Variants in GRM8 observed in about 807,000 individuals in gnomAD.
GRM8 encodes glutamate metabotropic receptor 8.
In GRM8, 47 loss-of-function variants were observed where a neutral mutation model predicts 87.2. The ratio of observed to expected loss-of-function variants is 0.54; its 90% CI spans 0.43 to 0.69. The LOEUF (loss-of-function observed/expected upper bound fraction) is 0.69. Ranked by LOEUF, GRM8 falls within the 30% of genes least tolerant of loss-of-function variation. GRM8 has a pLI of 0.00. For missense variants in GRM8, 1,019 were observed against 1,139.2 expected (o/e 0.89, Z 1.52); for synonymous variants, 396 against 404.5 (o/e 0.98, Z 0.25).
At chr7:127,003,464 C>T (rs1387735494) in intron 3 of GRM8, among the ~76,000 whole-genome samples, 1 of 151,700 alleles carries the variant, frequency 6.6e-6, no homozygotes, top group Non-Finnish European at 1.5e-5. Flanking sequence ...TCCCTTCCCA[C>T]CCACATGAAG....
At chr7:126,479,866 A>C (rs1399687097) in intron 9 of GRM8, among the ~76,000 whole-genome samples, 11 of 152,202 alleles carry the variant, frequency 7.2e-5, no homozygotes, top group African/African-American at 2.4e-4. Context: ...TCATATTATA[A>C]TCTCAGCAAT....
chr7:126,606,041 C>G (rs1205071670), intron 8 of GRM8, among the ~76,000 whole-genome samples: 2 of 152,196 alleles, frequency 1.3e-5, no homozygotes, highest in Non-Finnish European at 2.9e-5. Context: ...CAAAAAATAA[C>G]TGCCTAGGTG....
intron 2 of GRM8, among the ~76,000 whole-genome samples, chr7:127,237,299 G>A (rs1798033765): frequency 6.6e-6 from 1 of 152,186 alleles, no homozygotes; most frequent in Non-Finnish European, 1.5e-5. Flanking sequence ...AAATGAGATT[G>A]AACATGAAAT....
chr7:126,827,221 A>G (rs1232088654), intron 6 of GRM8, among the ~76,000 whole-genome samples: 1 of 152,122 alleles, frequency 6.6e-6, no homozygotes, highest in Non-Finnish European at 1.5e-5. Context: ...TTCCATATGA[A>G]CTTTAAAGTA....
chr7:126,828,843 C>T lies in GRM8; in HGVS notation c.1157-58778G>A, dbSNP rs539137222. Among the ~76,000 whole-genome samples, 59 of 152,166 alleles carry T rather than the reference C, an allele frequency of 3.9e-4. No homozygotes were observed. In the South Asian group the frequency reaches 0.012, roughly 31 times the overall value. Reference sequence around the variant, plus strand: ...TGCTTTCTCTTGTGGGCATTTAGTGCTATAAATTTCCCTCTACACACTGCT... The same window carrying T: ...TGCTTTCTCTTGTGGGCATTTAGTGTTATAAATTTCCCTCTACACACTGCT... On this transcript the variant is annotated intron_variant, in intron 6 of 10. Transcript: ENST00000339582.
At chr7:126,813,834 T>C (rs1330297415) in intron 6 of GRM8, among the ~76,000 whole-genome samples, 1 of 152,082 alleles carries the variant, frequency 6.6e-6, no homozygotes, top group Non-Finnish European at 1.5e-5. Context: ...ATACCAACTT[T>C]TATAACAAGT....
intron 3 of GRM8, among the ~76,000 whole-genome samples, chr7:126,915,688 AAAG>A (rs1329840666): frequency 1.3e-5 from 2 of 152,152 alleles, no homozygotes; most frequent in African/African-American, 4.8e-5. Flanking sequence ...AAGAAATATA[AAAG>A]AAGAGAACCA....
chr7:126,936,089 C>G (rs1002355067), intron 3 of GRM8, among the ~76,000 whole-genome samples: 1 of 152,146 alleles, frequency 6.6e-6, no homozygotes, highest in Admixed American at 6.6e-5. Flanking sequence ...CCATCTAAAT[C>G]ATGCTGCTTG....
chr7:127,077,251 C>T (rs576017104), intron 3 of GRM8, among the ~76,000 whole-genome samples: 2 of 152,292 alleles, frequency 1.3e-5, no homozygotes, highest in South Asian at 4.1e-4. Context: ...TGGTGTTCAG[C>T]CAAGCAAATG....
At chr7:126,629,489 G>A (rs757505155) in intron 7 of GRM8, among the ~76,000 whole-genome samples, 1 of 151,956 alleles carries the variant, frequency 6.6e-6, no homozygotes. Flanking sequence ...TTTGAATAAG[G>A]TATAGTCTTT....
At chr7:126,675,628 T>C (rs1344190136) in intron 7 of GRM8, among the ~76,000 whole-genome samples, 1 of 152,122 alleles carries the variant, frequency 6.6e-6, no homozygotes, top group Non-Finnish European at 1.5e-5. Flanking sequence ...TACATAGAAG[T>C]ACTAACAAAA....
chr7:127,090,698 A>C (rs943894857), intron 3 of GRM8, among the ~76,000 whole-genome samples: 4 of 143,558 alleles, frequency 2.8e-5, no homozygotes, highest in African/African-American at 1.1e-4. Flanking sequence ...CTTCCTTCCC[A>C]TGTGCCCTCC....
At chr7:126,602,775 G>C (rs1211593277) in intron 8 of GRM8, among the ~76,000 whole-genome samples, 1 of 151,504 alleles carries the variant, frequency 6.6e-6, no homozygotes, top group Non-Finnish European at 1.5e-5. Flanking sequence ...TCCAGGACCA[G>C]ATGGATTCAC....
chr7:126,461,701 A>G (rs1285247642), intron 9 of GRM8, among the ~76,000 whole-genome samples: 2 of 151,598 alleles, frequency 1.3e-5, no homozygotes, highest in Non-Finnish European at 3.0e-5. Context: ...TCTGGTACCT[A>G]GGCTTGCTCT....
intron 6 of GRM8, among the ~76,000 whole-genome samples, chr7:126,810,498 A>T (rs562264257): frequency 1.3e-5 from 2 of 152,156 alleles, no homozygotes; most frequent in Non-Finnish European, 2.9e-5. Flanking sequence ...AAAATTGTCA[A>T]TGCTTCTGCT....
chr7:127,042,758 C>A (rs1397796286), intron 3 of GRM8, among the ~76,000 whole-genome samples: 1 of 152,170 alleles, frequency 6.6e-6, no homozygotes, highest in African/African-American at 2.4e-5. Flanking sequence ...CCAAAATTGA[C>A]AAATGAGATC....
At chr7:126,439,766 G>C (rs1801241077) in intron 10 of GRM8, among the ~76,000 whole-genome samples, 1 of 151,210 alleles carries the variant, frequency 6.6e-6, no homozygotes, top group East Asian at 2.0e-4. Flanking sequence ...CCTTCCAGTG[G>C]AATAAGATAT....
intron 3 of GRM8, among the ~76,000 whole-genome samples, chr7:127,078,942 T>C (rs369362421): frequency 2.0e-5 from 3 of 152,320 alleles, no homozygotes; most frequent in East Asian, 3.9e-4. Context: ...CATTCATCTA[T>C]AAGGAAAAGG....
intron 3 of GRM8, among the ~76,000 whole-genome samples, chr7:127,044,898 C>A (rs1186491071): frequency 6.6e-6 from 1 of 152,074 alleles, no homozygotes; most frequent in African/African-American, 2.4e-5. Context: ...ACATATCCAC[C>A]ACCCAAAATT....
Sources: gnomAD v4.1 joint callset for allele counts (sites outside exome capture counted in the v4.1 genomes callset) on GRCh38, gnomAD v4.1.1 for gene constraint, MANE v1.5 for transcripts, NCBI Gene and HGNC (gene_info 2026-07-23, HGNC 2026-07-21) for gene names.